ZNF267: variants seen among roughly 807,000 people sequenced by gnomAD.
ZNF267 encodes the protein zinc finger protein 267, also known as zinc finger (C2H2).
In ZNF267, 61 loss-of-function variants were observed where a neutral mutation model predicts 71.6. The observed-to-expected ratio is 0.85, with a 90% CI of 0.69 to 1.05. ZNF267 has a LOEUF of 1.05. ZNF267 is among the 50% of genes least tolerant of loss of function. The pLI is 0.00. For synonymous variants in ZNF267, 288 were observed against 293.2 expected (o/e 0.98, Z 0.18); for missense variants, 852 against 870.0 (o/e 0.98, Z 0.26).
rs1210079795 is a variant in ZNF267 at position 31,884,713 on chromosome 16, G to A, written c.130+89G>A. 4.4e-6 allele frequency: 6 copies of A among 1,352,386 alleles called. No individual in the cohort carries two copies. In the East Asian group the frequency reaches 1.4e-4, roughly 33 times the overall value. 83.8% of individuals were successfully genotyped at this position (1,352,386 alleles called of 1,614,324 possible). A position where few individuals can be genotyped will look rare whatever the true frequency, so the allele number is the denominator to read the frequency against. ...CCTTGGGATCTTGTGCTTTGTATGA[G>A]TTAGTTTTAGATTCTTGTTTTCAGG... On this transcript the variant is annotated intron_variant, in intron 2 of 3. Transcript: ENST00000300870.
rs1206089941 is a variant in ZNF267, at chr16:31,914,635, A to G, written c.386A>G (p.Tyr129Cys). 3.1e-6 allele frequency: 5 copies of G among 1,613,988 alleles called. No individual in the cohort carries two copies. The African/African-American group carries it at 6.7e-5, about 22-fold the overall frequency. The change falls in exon 4 of 4, where the codon TAT becomes TGT. Residue 129 changes from tyrosine to cysteine, a missense_variant. Tyr to Cys is a radical substitution (Grantham distance 194). Coordinates refer to ENST00000300870, the MANE Select transcript of ZNF267 (RefSeq NM_003414.6). ...GAGTGTGAAGGGCACAATGGATGTTATGATGAAAAGACTTTTAAATATGAT... is the reference window on the plus strand; with the variant it reads ...GAGTGTGAAGGGCACAATGGATGTTGTGATGAAAAGACTTTTAAATATGAT... ...REECEGHNGC[Y>C]DEKTFKYDQF...
rs1461095469 is a variant in ZNF267, at chr16:31,915,457, C to G, written c.1208C>G (p.Thr403Ser). The change falls in exon 4 of 4, where the codon ACT becomes AGT. Residue 403 changes from threonine to serine, a missense_variant. Coordinates refer to ENST00000300870, the MANE Select transcript of ZNF267 (RefSeq NM_003414.6). ...SNLIVHQRIH[T>S]GEKPYKCKEC... is the part of the protein sequence containing the mutation. Reference sequence around the variant, plus strand: ...CTTATTGTGCATCAGAGAATTCACACTGGAGAGAAACCATACAAATGTAAA... The same window carrying G: ...CTTATTGTGCATCAGAGAATTCACAGTGGAGAGAAACCATACAAATGTAAA... 1 of 1,613,744 alleles carries G rather than the reference C, an allele frequency of 6.2e-7. No individual in the cohort carries two copies. Among genetic ancestry groups the G allele is most frequent in the Non-Finnish European group, 8.5e-7 (1 of 1,179,926 alleles).
At chr16:31,896,812 A>G (rs2084002637) in intron 3 of ZNF267, among the ~76,000 whole-genome samples, 1 of 152,184 alleles carries the variant, frequency 6.6e-6, no homozygotes, top group Non-Finnish European at 1.5e-5. Flanking sequence ...TCTGTGAAGA[A>G]TGCTGGTGAC....
intron 1 of ZNF267, among the ~76,000 whole-genome samples, chr16:31,876,471 G>T (rs1041863442): frequency 2.0e-5 from 3 of 152,130 alleles, no homozygotes; most frequent in Admixed American, 6.5e-5. Context: ...CTCCCGCCTT[G>T]GCCTCCCAAA....
In ZNF267 at chr16:31,916,714, G is replaced by C. The variant is rs988877752; in HGVS notation, c.*233G>C. The C allele has an allele frequency of 2.2e-5, 11 of 497,176 alleles. No individual in the cohort carries two copies. Among genetic ancestry groups the C allele is most frequent in the Non-Finnish European group, 3.5e-5 (10 of 284,120 alleles). The allele number at this position is 497,176 out of a possible 1,614,324, so 30.8% of individuals were successfully genotyped here. A position where few individuals can be genotyped will look rare whatever the true frequency, so the allele number is the denominator to read the frequency against. On this transcript the variant is annotated 3_prime_UTR_variant, in exon 4 of 4. Coordinates refer to ENST00000300870, the MANE Select transcript of ZNF267 (RefSeq NM_003414.6). The stretch of plus-strand genomic sequence containing the variant: ...CCCTTACTCAAGATAATCCATACTA[G>C]AGAAACACTATAGATGTAAAAATGT...
In ZNF267 at chr16:31,900,467, C is replaced by T. The variant is rs148313003; in HGVS notation, c.227-14009C>T. Among the ~76,000 whole-genome samples the T allele has an allele frequency of 2.7e-3, 418 of 152,044 alleles. 1 individual carries two copies. Among genetic ancestry groups the T allele is most frequent in the African/African-American group, 6.0e-3 (249 of 41,510 alleles). The stretch of plus-strand genomic sequence containing the variant: ...TATTTCTTTATTTTTTTTCCTGAAA[C>T]GGAGTCTCGCTCTGCCACCCAGGCT... On this transcript the variant is annotated intron_variant, in intron 3 of 3. Coordinates refer to ENST00000300870, the MANE Select transcript of ZNF267 (RefSeq NM_003414.6).
chr16:31,885,819 C>T (rs1041008566), intron 3 of ZNF267, among the ~76,000 whole-genome samples: 1 of 152,142 alleles, frequency 6.6e-6, no homozygotes, highest in Non-Finnish European at 1.5e-5. Flanking sequence ...AAAATCTAAT[C>T]TTATGTTTCA....
intron 3 of ZNF267, among the ~76,000 whole-genome samples, chr16:31,902,617 G>A (rs1370460247): frequency 6.6e-6 from 1 of 152,110 alleles, no homozygotes; most frequent in Non-Finnish European, 1.5e-5. Flanking sequence ...GTATAAAAAT[G>A]CTTGTGATTT....
At chr16:31,908,767 A>G (rs2084111639) in intron 3 of ZNF267, among the ~76,000 whole-genome samples, 1 of 152,062 alleles carries the variant, frequency 6.6e-6, no homozygotes, top group African/African-American at 2.4e-5. Context: ...ATTCTGTTGC[A>G]TTGGTCTGTG....
chr16:31,884,682 A>G lies in ZNF267; in HGVS notation c.130+58A>G, dbSNP rs934617961. ...ACTAAGAGTTTTATTTTCTTTTCAG[A>G]ATGTCCCTTGGGATCTTGTGCTTTG... is the stretch of plus-strand genomic sequence containing the variant. On this transcript the variant is annotated intron_variant, in intron 2 of 3. Transcript: ENST00000300870. 13 of 1,552,878 alleles carry G rather than the reference A, an allele frequency of 8.4e-6. No individual in the cohort carries two copies. The South Asian group carries it at 1.4e-4, about 17-fold the overall frequency.
intron 3 of ZNF267, among the ~76,000 whole-genome samples, chr16:31,905,432 G>A (rs1396480896): frequency 2.6e-5 from 4 of 152,274 alleles, no homozygotes; most frequent in Non-Finnish European, 4.4e-5. Context: ...CCAATGAGAC[G>A]TAGATTTGGT....
rs2083833712 is a variant in ZNF267, at chr16:31,874,043, G to A, written c.3+74G>A. On this transcript the variant is annotated intron_variant, in intron 1 of 3. Coordinates refer to ENST00000300870, the MANE Select transcript of ZNF267 (RefSeq NM_003414.6). ...GGAAGCGGCGGGAACCCGCTGTAGG[G>A]GCACCCGGGCCTCCCCGCAGTCAGC... 11 of 1,540,562 alleles carry A rather than the reference G, an allele frequency of 7.1e-6. No individual in the cohort carries two copies. The South Asian group carries it at 1.3e-4, about 18-fold the overall frequency.
Position 31,915,399 on chromosome 16 carries a change from G to T in ZNF267, c.1150G>T (p.Ala384Ser). ...DTGENLYKCK[A>S]CSKSFTRSSN... ...TGGAGAAAACCTTTACAAATGTAAA[G>T]CATGTAGCAAATCTTTTACTCGTTC... The change falls in exon 4 of 4, where the codon GCA becomes TCA. Residue 384 changes from alanine (A) to serine (S), a missense_variant. By Grantham distance (99) the Ala-to-Ser change is moderately conservative. Coordinates refer to ENST00000300870, the MANE Select transcript of ZNF267 (RefSeq NM_003414.6). The T allele has an allele frequency of 6.2e-7, 1 of 1,613,706 alleles. No individual in the cohort carries two copies. Among genetic ancestry groups the T allele is most frequent in the Non-Finnish European group, 8.5e-7 (1 of 1,179,860 alleles).
chr16:31,894,290 T>C (rs1350404493), intron 3 of ZNF267, among the ~76,000 whole-genome samples: 2 of 152,258 alleles, frequency 1.3e-5, no homozygotes, highest in African/African-American at 4.8e-5. Flanking sequence ...AGCCAGGTGC[T>C]CTTTCATTTG....
At chr16:31,875,938 A>G (rs1203760163) in intron 1 of ZNF267, among the ~76,000 whole-genome samples, 10 of 152,196 alleles carry the variant, frequency 6.6e-5, no homozygotes. Flanking sequence ...TTTCAGCAGA[A>G]TGAGTGTAGT....
intron 3 of ZNF267, chr16:31,912,531 A>G (rs1327742248): frequency 1.3e-5 from 2 of 151,534 alleles, no homozygotes; most frequent in East Asian, 1.9e-4. Flanking sequence ...TTTGGGTTCA[A>G]TCTGCTTTGT....
chr16:31,906,458 AC>A (rs1331201556), intron 3 of ZNF267, among the ~76,000 whole-genome samples: 2 of 151,950 alleles, frequency 1.3e-5, no homozygotes, highest in African/African-American at 4.8e-5. Context: ...TTGTTTACCT[AC>A]TCAAGCCTGG....
At chr16:31,876,017 A>C (rs1003677206) in intron 1 of ZNF267, among the ~76,000 whole-genome samples, 2 of 152,194 alleles carry the variant, frequency 1.3e-5, no homozygotes, top group African/African-American at 4.8e-5. Context: ...CCTTTTGGAA[A>C]TGCTGCCAGG....
chr16:31,894,864 C>T, intron 3 of ZNF267: 1 of 421,062 alleles, frequency 2.4e-6, no homozygotes, highest in Non-Finnish European at 4.7e-6. Context: ...GTTGAGCTGT[C>T]TCTGCAAGGA....
Sources: allele counts gnomAD v4.1 joint callset (sites outside exome capture counted in the v4.1 genomes callset), GRCh38; gene constraint gnomAD v4.1.1; transcripts MANE v1.5; gene names NCBI Gene and HGNC (gene_info 2026-07-23, HGNC 2026-07-21).